The following CLVS1 variants were observed in gnomAD, a reference collection of about 807,000 sequenced individuals.
CLVS1 encodes clavesin-1.
CLVS1 carries 10 observed loss-of-function variants against 33.1 expected under a neutral mutation model. The observed-to-expected ratio is 0.30, with a 90% confidence interval of 0.19 to 0.51. The LOEUF (loss-of-function observed/expected upper bound fraction) is 0.51. Among genes scored for constraint, CLVS1 ranks in the 20% least tolerant of loss-of-function variants. CLVS1 has a pLI of 0.97. For synonymous variants in CLVS1, 163 were observed against 166.1 expected (o/e 0.98, Z 0.14); for missense variants, 343 against 433.4 (o/e 0.79, Z 1.85).
chr8:61,033,055 G>GATAGAAAGAA, the CLVS1 span, among the ~76,000 whole-genome samples: 4 of 60,600 alleles, frequency 6.6e-5, no homozygotes, highest in Non-Finnish European at 1.7e-4. Context: ...GAAAAAGAAA[G>GATAGAAAGAA]AAAGATAGAA....
intron 1 of CLVS1, among the ~76,000 whole-genome samples, chr8:61,293,572 A>G (rs1315227257): frequency 3.3e-5 from 5 of 152,166 alleles, no homozygotes; most frequent in South Asian, 2.1e-4. Context: ...TTTGGTCACT[A>G]TGATTTTCAG....
chr8:61,401,838 C>T (rs1814776954), intron 3 of CLVS1, among the ~76,000 whole-genome samples: 1 of 152,178 alleles, frequency 6.6e-6, no homozygotes, highest in Admixed American at 6.5e-5. Context: ...CTTCAAGGCA[C>T]AGCTCAAGTG....
At chr8:61,211,679 C>T (rs1807973719) in intron 2 of CLVS1, among the ~76,000 whole-genome samples, 1 of 152,172 alleles carries the variant, frequency 6.6e-6, no homozygotes, top group East Asian at 1.9e-4. Flanking sequence ...AATTATGGCC[C>T]CCCAAAGACA....
intron 5 of CLVS1, among the ~76,000 whole-genome samples, chr8:61,475,375 G>A (rs903217702): frequency 4.5e-4 from 69 of 152,296 alleles, no homozygotes; most frequent in African/African-American, 1.6e-3. Flanking sequence ...CGCCACACCA[G>A]CTTCCACAAT....
At chr8:60,980,787 A>G in the CLVS1 span, among the ~76,000 whole-genome samples, 1 of 144,332 alleles carries the variant, frequency 6.9e-6, no homozygotes, top group East Asian at 1.9e-4. Flanking sequence ...CCCCATCTCA[A>G]AAAAAGAAAA....
At chr8:60,981,976 CA>C in the CLVS1 span, among the ~76,000 whole-genome samples, 1 of 152,214 alleles carries the variant, frequency 6.6e-6, no homozygotes, top group Non-Finnish European at 1.5e-5. Context: ...TAGAAGTTAT[CA>C]TTTTGCTGGA....
chr8:60,984,729 C>A, the CLVS1 span, among the ~76,000 whole-genome samples: 1 of 152,194 alleles, frequency 6.6e-6, no homozygotes, highest in African/African-American at 2.4e-5. Flanking sequence ...GCATGGTACC[C>A]AGATCATCAC....
At chr8:61,138,708 G>A (rs1030038811) in intron 2 of CLVS1, among the ~76,000 whole-genome samples, 1 of 152,060 alleles carries the variant, frequency 6.6e-6, no homozygotes, top group East Asian at 1.9e-4. Flanking sequence ...ATCATGGACC[G>A]AGCCAGAGAA....
At chr8:61,162,470 A>C (rs1403225421) in intron 2 of CLVS1, among the ~76,000 whole-genome samples, 1 of 152,232 alleles carries the variant, frequency 6.6e-6, no homozygotes, top group African/African-American at 2.4e-5. Context: ...ACTAGGACTG[A>C]AAAACCAGCA....
intron 3 of CLVS1, 24 bp from the exon 4 acceptor site, chr8:61,454,117 T>C (rs375837420): frequency 1.3e-6 from 2 of 1,522,320 alleles, no homozygotes; most frequent in African/African-American, 2.7e-5. Flanking sequence ...CTAATCGGTG[T>C]GCATTTCTCT....
chr8:60,971,458 G>C, the CLVS1 span, among the ~76,000 whole-genome samples: 1 of 152,216 alleles, frequency 6.6e-6, no homozygotes. Context: ...CCCAAGGACA[G>C]TAATGCTCAC....
the CLVS1 span, among the ~76,000 whole-genome samples, chr8:61,004,111 A>G: frequency 6.6e-6 from 1 of 152,234 alleles, no homozygotes; most frequent in African/African-American, 2.4e-5. Flanking sequence ...CTCAGTTTCC[A>G]TGGTTTAAAA....
intron 2 of CLVS1, among the ~76,000 whole-genome samples, chr8:61,232,167 T>C (rs1450170540): frequency 6.8e-6 from 1 of 147,094 alleles, no homozygotes; most frequent in Non-Finnish European, 1.5e-5. Context: ...CCCACGTAGC[T>C]GGGACTACAG....
intron 2 of CLVS1, among the ~76,000 whole-genome samples, chr8:61,209,093 T>TGGAGAGA (rs1807919809): frequency 6.6e-6 from 1 of 152,240 alleles, no homozygotes; most frequent in Non-Finnish European, 1.5e-5. Flanking sequence ...TTAGAAGCTA[T>TGGAGAGA]TTTAATAAAT....
chr8:61,274,508 C>T (rs1479495408), intron 2 of CLVS1, among the ~76,000 whole-genome samples: 1 of 152,076 alleles, frequency 6.6e-6, no homozygotes, highest in Non-Finnish European at 1.5e-5. Flanking sequence ...CCCCCTGCAT[C>T]TTAACCAAAT....
chr8:61,239,968 C>T (rs1025339335), intron 2 of CLVS1, among the ~76,000 whole-genome samples: 22 of 152,180 alleles, frequency 1.4e-4, no homozygotes, highest in African/African-American at 5.1e-4. Flanking sequence ...AGACTTAGTT[C>T]ACACCCCTTC....
At chr8:61,183,841 C>T (rs900917300) in intron 2 of CLVS1, among the ~76,000 whole-genome samples, 2 of 152,160 alleles carry the variant, frequency 1.3e-5, no homozygotes, top group Non-Finnish European at 2.9e-5. Flanking sequence ...ATGCATATGA[C>T]AAGCTCAGGA....
the CLVS1 span, among the ~76,000 whole-genome samples, chr8:61,049,877 T>G: frequency 1.3e-5 from 2 of 152,276 alleles, no homozygotes; most frequent in African/African-American, 4.8e-5. Context: ...GTGTTTCTAT[T>G]AATGAATGTA....
At chr8:61,352,641 A>G (rs988195448) in intron 2 of CLVS1, among the ~76,000 whole-genome samples, 2 of 152,030 alleles carry the variant, frequency 1.3e-5, no homozygotes, top group Admixed American at 1.3e-4. Flanking sequence ...AGGAAAGGAA[A>G]CTACCATAGA....
Sources: gnomAD v4.1 joint callset for allele counts (sites outside exome capture counted in the v4.1 genomes callset) on GRCh38, gnomAD v4.1.1 for gene constraint, MANE v1.5 for transcripts, NCBI Gene and HGNC (gene_info 2026-07-23, HGNC 2026-07-21) for gene names.